Variants in WWOX observed in about 807,000 individuals in gnomAD.
The protein encoded by WWOX is WW domain-containing oxidoreductase.
WWOX carries 69 observed loss-of-function variants against 46.2 expected under a neutral mutation model. The ratio of observed to expected loss-of-function variants is 1.49; its 90% confidence interval spans 1.23 to 1.82. WWOX has a LOEUF of 1.82. WWOX is among the 40% of genes most tolerant of loss of function. WWOX has a pLI of 0.00. For synonymous variants in WWOX, 359 were observed against 202.6 expected (o/e 1.77, Z -6.56); for missense variants, 919 against 542.6 (o/e 1.69, Z -6.89).
chr16:78,977,442 A>C (rs1272379837), intron 8 of WWOX, among the ~76,000 whole-genome samples: 1 of 152,156 alleles, frequency 6.6e-6, no homozygotes, highest in Non-Finnish European at 1.5e-5. Context: ...CAAAGCACAC[A>C]CCAGAAGCTA....
intron 8 of WWOX, among the ~76,000 whole-genome samples, chr16:78,581,037 C>A (rs1202754953): frequency 6.6e-6 from 1 of 152,180 alleles, no homozygotes. Context: ...ATATGAAAAT[C>A]AGCCATCAGC....
At chr16:78,459,873 T>C (rs1244369615) in intron 8 of WWOX, among the ~76,000 whole-genome samples, 4 of 151,346 alleles carry the variant, frequency 2.6e-5, no homozygotes, top group African/African-American at 9.7e-5. Context: ...GGTGCAATCA[T>C]GGCTCACTGC....
chr16:78,228,214 T>G (rs1597375522), intron 5 of WWOX, among the ~76,000 whole-genome samples: 1 of 152,032 alleles, frequency 6.6e-6, no homozygotes, highest in Non-Finnish European at 1.5e-5. Context: ...GGGTGTTCTC[T>G]TACCCCTGAA....
chr16:78,955,606 T>C (rs1742747274), intron 8 of WWOX, among the ~76,000 whole-genome samples: 1 of 151,958 alleles, frequency 6.6e-6, no homozygotes, highest in African/African-American at 2.4e-5. Flanking sequence ...CTTTATTTTT[T>C]ATATTTTTTT....
intron 8 of WWOX, among the ~76,000 whole-genome samples, chr16:78,462,173 A>C (rs1044915894): frequency 1.3e-5 from 2 of 152,180 alleles, no homozygotes; most frequent in Non-Finnish European, 2.9e-5. Context: ...AGGTAATTTA[A>C]GCAACTTGCA....
chr16:78,184,493 A>G (rs2035633737), intron 5 of WWOX, among the ~76,000 whole-genome samples: 1 of 152,084 alleles, frequency 6.6e-6, no homozygotes, highest in African/African-American at 2.4e-5. Context: ...GTGAAGGAAA[A>G]TGGATGAATT....
At chr16:78,504,936 A>G (rs191592144) in intron 8 of WWOX, among the ~76,000 whole-genome samples, 2 of 152,310 alleles carry the variant, frequency 1.3e-5, no homozygotes, top group Admixed American at 6.5e-5. Context: ...GAAACGTTGC[A>G]GGACTCCCCG....
At chr16:78,991,900 C>G (rs991028402) in intron 8 of WWOX, among the ~76,000 whole-genome samples, 2 of 152,124 alleles carry the variant, frequency 1.3e-5, no homozygotes, top group African/African-American at 4.8e-5. Context: ...CATAAATGTT[C>G]CTTTGTTCCC....
intron 8 of WWOX, among the ~76,000 whole-genome samples, chr16:78,790,962 T>C (rs2050581763): frequency 7.6e-6 from 1 of 130,884 alleles, no homozygotes; most frequent in Non-Finnish European, 1.5e-5. Flanking sequence ...GAGGTTGCAG[T>C]GAGCCAAGAT....
chr16:78,402,376 G>A (rs7200912), intron 6 of WWOX, among the ~76,000 whole-genome samples: 1 of 152,138 alleles, frequency 6.6e-6, no homozygotes, highest in African/African-American at 2.4e-5. Context: ...TTATCTGGTT[G>A]TCAGTCGGAT....
chr16:78,736,418 C>G (rs1461206192), intron 8 of WWOX, among the ~76,000 whole-genome samples: 1 of 152,124 alleles, frequency 6.6e-6, no homozygotes, highest in African/African-American at 2.4e-5. Flanking sequence ...GGGGATCTGA[C>G]CAGGCCACCA....
At chr16:79,066,635 C>T (rs976210753) in intron 8 of WWOX, among the ~76,000 whole-genome samples, 16 of 152,328 alleles carry the variant, frequency 1.1e-4, no homozygotes, top group African/African-American at 3.4e-4. Flanking sequence ...AACAATAGAG[C>T]CGGATTAAGC....
rs532286875 is a variant in WWOX, at chr16:79,129,082, A to G, written c.1057-82526A>G. On this transcript the variant is annotated intron_variant, in intron 8 of 8. Transcript: ENST00000566780. ...TCTTCTTTTATGCTGAGAGTTTGCA[A>G]GTATGGATCTTGATAGGAATGCTTG... Among the ~76,000 whole-genome samples, 5 of 152,252 alleles carry G rather than the reference A, an allele frequency of 3.3e-5. No homozygotes were observed. In the South Asian group the frequency reaches 1.0e-3, roughly 32 times the overall value.
At chr16:79,155,921 C>G (rs1043262465) in intron 8 of WWOX, among the ~76,000 whole-genome samples, 3 of 151,562 alleles carry the variant, frequency 2.0e-5, no homozygotes, top group Non-Finnish European at 2.9e-5. Flanking sequence ...AGGTACAAGT[C>G]TCTCTGTTGA....
rs1433554555 is a variant in WWOX, at chr16:78,578,280, A to ATTTTTT, written c.1056+145529_1056+145530insTTTTTT. The stretch of plus-strand genomic sequence containing the variant: ...TATATATATATATATATATATATAT[A>ATTTTTT]TATATTTTTTTTTTTTTTTTTTTTT... On this transcript the variant is annotated intron_variant, in intron 8 of 8. Coordinates refer to ENST00000566780, the MANE Select transcript of WWOX (RefSeq NM_016373.4). 4.3e-3 allele frequency among the ~76,000 whole-genome samples: 151 copies of ATTTTTT among 35,372 alleles called. 1 individual carries two copies. Among genetic ancestry groups the ATTTTTT allele is most frequent in the African/African-American group, 0.013 (92 of 7,122 alleles). 23.2% of individuals were successfully genotyped at this position (35,372 alleles called of 152,430 possible).
intron 8 of WWOX, among the ~76,000 whole-genome samples, chr16:78,862,396 T>C (rs1240258255): frequency 6.6e-6 from 1 of 151,506 alleles, no homozygotes; most frequent in Non-Finnish European, 1.5e-5. Flanking sequence ...ATACACACTA[T>C]AGTGTATGTA....
At chr16:79,121,271 C>T (rs1356320371) in intron 8 of WWOX, among the ~76,000 whole-genome samples, 12 of 152,174 alleles carry the variant, frequency 7.9e-5, no homozygotes, top group African/African-American at 2.9e-4. Flanking sequence ...TACTGAGGTG[C>T]ATTGCTAATT....
chr16:79,078,409 G>A (rs528499229), intron 8 of WWOX, among the ~76,000 whole-genome samples: 1 of 152,264 alleles, frequency 6.6e-6, no homozygotes, highest in South Asian at 2.1e-4. Context: ...CATGGCTCGG[G>A]AAGGAGAAAG....
chr16:78,599,359 C>T (rs1473252169), intron 8 of WWOX, among the ~76,000 whole-genome samples: 1 of 152,208 alleles, frequency 6.6e-6, no homozygotes, highest in Non-Finnish European at 1.5e-5. Flanking sequence ...GCTTGAGACT[C>T]TGCAAAGTGC....
Sources: gnomAD v4.1 joint callset for allele counts (sites outside exome capture counted in the v4.1 genomes callset) on GRCh38, gnomAD v4.1.1 for gene constraint, MANE v1.5 for transcripts, NCBI Gene and HGNC (gene_info 2026-07-23, HGNC 2026-07-21) for gene names.